CGNL1: variants seen among roughly 807,000 people sequenced by gnomAD.
CGNL1 encodes the protein cingulin-like protein 1.
CGNL1 carries 132 observed loss-of-function variants against 141.2 expected under a neutral mutation model. The ratio of observed to expected loss-of-function variants is 0.93; its 90% CI spans 0.81 to 1.08. The LOEUF is 1.08. Ranked by LOEUF, CGNL1 falls within the 50% of genes least tolerant of loss-of-function variation. CGNL1 has a pLI of 0.00. For missense variants in CGNL1, 1,870 were observed against 1,588.6 expected (o/e 1.18, Z -3.01); for synonymous variants, 690 against 622.1 (o/e 1.11, Z -1.63).
intron 1 of CGNL1, among the ~76,000 whole-genome samples, chr15:57,416,443 C>A (rs4404002): frequency 0.26 from 38,981 of 151,946 alleles, 5,122 homozygotes; most frequent in East Asian, 0.43. Flanking sequence ...CCTGGCTAGA[C>A]CTTTGCATCC....
chr15:57,538,916 T>G (rs2032414597), intron 14 of CGNL1, among the ~76,000 whole-genome samples: 1 of 152,188 alleles, frequency 6.6e-6, no homozygotes, highest in South Asian at 2.1e-4. Context: ...TGAGTTTTTG[T>G]CAGAAAACCT....
intron 8 of CGNL1, among the ~76,000 whole-genome samples, chr15:57,488,395 ATTTTCATGATGT>A (rs2063813212): frequency 2.6e-5 from 4 of 152,042 alleles, no homozygotes; most frequent in Admixed American, 2.0e-4. Flanking sequence ...AAGATTTTTA[ATTTTCATGATGT>A]CCAGTTTACT....
At chr15:57,397,906 C>T (rs1332172842) in intron 1 of CGNL1, among the ~76,000 whole-genome samples, 1 of 152,046 alleles carries the variant, frequency 6.6e-6, no homozygotes, top group Admixed American at 6.6e-5. Context: ...TCTCAGCCTC[C>T]CGAGTAGCTG....
Position 57,517,001 on chromosome 15 carries a change from G to A in CGNL1, c.2610+15G>A. The A allele has an allele frequency of 6.2e-7, 1 of 1,607,270 alleles. No homozygotes were observed. The highest frequency in any genetic ancestry group is 1.1e-5 in the South Asian group (1 of 90,224). On this transcript the variant is annotated intron_variant, in intron 9 of 18. Transcript: ENST00000281282. ...AGAAGTACGAGGTGAGGCTCGCTGG[G>A]CCCAGGCCCAGCTTTGGCAGCTGCT...
At position 57,452,195 on chromosome 15, in the gene CGNL1, C is replaced by A; in HGVS notation, c.1960C>A (p.Leu654Ile). 6.2e-7 allele frequency: 1 copy of A among 1,613,898 alleles called. No homozygotes were observed. Among genetic ancestry groups the A allele is most frequent in the Non-Finnish European group, 8.5e-7 (1 of 1,179,908 alleles). Residue 654 changes from leucine to isoleucine, a missense_variant, in exon 6 of 19, where the codon CTC becomes ATC. Transcript: ENST00000281282. ...GAGGATGAGAGCAAACCTAGAAGAG[C>A]TCCGAAGCCAACACAACGAAAAGGT... ...RERMRANLEE[L>I]RSQHNEKVEE...
In CGNL1 at chr15:57,453,805, G is replaced by C; in HGVS notation, c.2177G>C (p.Gly726Ala). The change falls in exon 7 of 19, where the codon GGA (glycine) becomes GCA (alanine). Residue 726 changes from glycine to alanine, a missense_variant. Gly to Ala is a moderately conservative substitution (Grantham distance 60). Transcript: ENST00000281282. ...AAGCGATCGGAGGACAGGGAGAAGGGAGCTCTGATTGAGGTAAGCAGGGCT... is the reference window on the plus strand; with the variant it reads ...AAGCGATCGGAGGACAGGGAGAAGGCAGCTCTGATTGAGGTAAGCAGGGCT... ...SAKRSEDREK[G>A]ALIEELLQAK... 6.2e-7 allele frequency: 1 copy of C among 1,613,550 alleles called. No individual in the cohort carries two copies. Among genetic ancestry groups the C allele is most frequent in the South Asian group, 1.1e-5 (1 of 91,050 alleles).
At chr15:57,384,975 T>C (rs1428352933) in intron 1 of CGNL1, among the ~76,000 whole-genome samples, 1 of 152,260 alleles carries the variant, frequency 6.6e-6, no homozygotes, top group Non-Finnish European at 1.5e-5. Context: ...CTGTCTTGTA[T>C]GCATTTCAAG....
chr15:57,438,436 A>G lies in CGNL1; in HGVS notation c.437A>G (p.Gln146Arg). 6.2e-7 allele frequency: 1 copy of G among 1,614,194 alleles called. No individual in the cohort carries two copies. Among genetic ancestry groups the G allele is most frequent in the Non-Finnish European group, 8.5e-7 (1 of 1,180,042 alleles). ...AAGCCATCTCACCTGCTGAACTTTC[A>G]GAGGCATCCAGAGCTTTTGCAACCC... ...SVKPSHLLNFQRHPELLQPYD... is the reference protein window; with the variant it reads ...SVKPSHLLNFRRHPELLQPYD... The change falls in exon 2 of 19, where the codon CAG (glutamine) becomes CGG (arginine). Residue 146 changes from glutamine (Q) to arginine (R), a missense_variant. By Grantham distance (43) the Gln-to-Arg change is conservative. Coordinates refer to ENST00000281282, the MANE Select transcript of CGNL1 (RefSeq NM_032866.5).
rs113387724 is a variant in CGNL1, at chr15:57,532,411, A to G, written c.3291+632A>G. Among the ~76,000 whole-genome samples, 685 of 152,272 alleles carry G rather than the reference A, an allele frequency of 4.5e-3. 2 individuals are homozygous for G. Among genetic ancestry groups the G allele is most frequent in the African/African-American group, 0.016 (649 of 41,556 alleles). On this transcript the variant is annotated intron_variant, in intron 14 of 18. Coordinates refer to ENST00000281282, the MANE Select transcript of CGNL1 (RefSeq NM_032866.5). Reference sequence around the variant, plus strand: ...GATCTCACTGCTCTCCCCAGATCTCACTTGCCACTCCCAGTCTATCTCAAA... The same window carrying G: ...GATCTCACTGCTCTCCCCAGATCTCGCTTGCCACTCCCAGTCTATCTCAAA...
chr15:57,499,353 C>G (rs1408898794), intron 8 of CGNL1, among the ~76,000 whole-genome samples: 1 of 141,512 alleles, frequency 7.1e-6, no homozygotes, highest in East Asian at 2.1e-4. Context: ...TCAAGTGATT[C>G]TCCTGCCTTG....
chr15:57,539,600 C>T lies in CGNL1; in HGVS notation c.3292-4096C>T, dbSNP rs543802555. Among the ~76,000 whole-genome samples, 4 of 152,336 alleles carry T rather than the reference C, an allele frequency of 2.6e-5. No homozygotes were observed. The South Asian group carries it at 8.3e-4, about 32-fold the overall frequency. On this transcript the variant is annotated intron_variant, in intron 14 of 18. Coordinates refer to ENST00000281282, the MANE Select transcript of CGNL1 (RefSeq NM_032866.5). Reference sequence around the variant, plus strand: ...TCTATTCCCACCTCTTCACCTCCAGCGCCTCCTCTGAGCTTTGCAGTCAGG... The same window carrying T: ...TCTATTCCCACCTCTTCACCTCCAGTGCCTCCTCTGAGCTTTGCAGTCAGG...
chr15:57,513,946 C>T (rs1393558641), intron 8 of CGNL1, among the ~76,000 whole-genome samples: 2 of 152,188 alleles, frequency 1.3e-5, no homozygotes, highest in Non-Finnish European at 2.9e-5. Context: ...TTTTACATTC[C>T]TACCAGCAAT....
Position 57,438,856 on chromosome 15 carries a change from C to A in CGNL1, c.857C>A (p.Pro286His). The A allele has an allele frequency of 6.2e-7, 1 of 1,614,218 alleles. No individual in the cohort carries two copies. Among genetic ancestry groups the A allele is most frequent in the Admixed American group, 1.7e-5 (1 of 60,030 alleles). The change falls in exon 2 of 19, where the codon CCC becomes CAC. Residue 286 changes from proline (P) to histidine (H), a missense_variant. Coordinates refer to ENST00000281282, the MANE Select transcript of CGNL1 (RefSeq NM_032866.5). ...LPFRRQDSAGPVLDGARSRRS... is the reference protein window; with the variant it reads ...LPFRRQDSAGHVLDGARSRRS... ...TTCCGGCGACAGGATTCAGCGGGACCCGTCCTGGATGGAGCTCGGTCCCGG... is the reference window on the plus strand; with the variant it reads ...TTCCGGCGACAGGATTCAGCGGGACACGTCCTGGATGGAGCTCGGTCCCGG...
chr15:57,475,988 G>A (rs1054204172), intron 8 of CGNL1, among the ~76,000 whole-genome samples: 1 of 152,212 alleles, frequency 6.6e-6, no homozygotes, highest in South Asian at 2.1e-4. Flanking sequence ...GGCATTTATT[G>A]TGTTTTGCTT....
chr15:57,510,146 C>T (rs2030131437), intron 8 of CGNL1, among the ~76,000 whole-genome samples: 1 of 152,206 alleles, frequency 6.6e-6, no homozygotes, highest in South Asian at 2.1e-4. Context: ...TTTGGAACCA[C>T]AGCCGGTAAG....
intron 1 of CGNL1, among the ~76,000 whole-genome samples, chr15:57,429,834 G>T (rs558577944): frequency 6.6e-6 from 1 of 152,228 alleles, no homozygotes; most frequent in South Asian, 2.1e-4. Context: ...TTGAGACAGG[G>T]TCTCTCAGTC....
chr15:57,384,727 G>T (rs2062463466), intron 1 of CGNL1, among the ~76,000 whole-genome samples: 1 of 152,104 alleles, frequency 6.6e-6, no homozygotes, highest in Admixed American at 6.5e-5. Context: ...CCTTTAAAGA[G>T]ACGAGACCTC....
chr15:57,545,442 T>C (rs1020200904), intron 16 of CGNL1, 150 bp from the exon 17 acceptor site: 47 of 625,714 alleles, frequency 7.5e-5, no homozygotes, highest in African/African-American at 7.2e-4. Context: ...CACAAGCAGC[T>C]TTTTCTGCTG....
At chr15:57,428,298 G>C (rs2063002390) in intron 1 of CGNL1, among the ~76,000 whole-genome samples, 1 of 152,222 alleles carries the variant, frequency 6.6e-6, no homozygotes, top group Admixed American at 6.5e-5. Context: ...AAAGAGTGCA[G>C]GTCTTAGAGA....
Sources: gnomAD v4.1 joint callset for allele counts (sites outside exome capture counted in the v4.1 genomes callset) on GRCh38, gnomAD v4.1.1 for gene constraint, MANE v1.5 for transcripts, NCBI Gene and HGNC (gene_info 2026-07-23, HGNC 2026-07-21) for gene names.